ZFHX3: variants seen among roughly 807,000 people sequenced by gnomAD.
ZFHX3 encodes the protein zinc finger homeobox 3, also known as zinc finger homeobox protein 3.
In ZFHX3, 42 loss-of-function variants were observed where a neutral mutation model predicts 279.1. The ratio of observed to expected loss-of-function variants is 0.15; its 90% CI spans 0.12 to 0.19. The LOEUF (loss-of-function observed/expected upper bound fraction) is 0.19, where lower values mean the gene tolerates loss of function less well. ZFHX3 is among the 10% of genes least tolerant of loss of function. The pLI is 1.00. For missense variants in ZFHX3, 4,981 were observed against 4,754.0 expected (o/e 1.05, Z -1.40); for synonymous variants, 2,293 against 1,957.8 (o/e 1.17, Z -4.52).
intron 1 of ZFHX3, among the ~76,000 whole-genome samples, chr16:73,711,566 C>G (rs964179500): frequency 6.6e-6 from 1 of 152,030 alleles, no homozygotes; most frequent in African/African-American, 2.4e-5. Context: ...AAGAAGCAGT[C>G]TTCTGAAGTG....
chr16:72,898,368 A>G (rs550822831), intron 3 of ZFHX3, among the ~76,000 whole-genome samples: 53 of 152,342 alleles, frequency 3.5e-4, no homozygotes, highest in African/African-American at 1.1e-3. Context: ...GCCGTGGAAC[A>G]AGCCATGATT....
chr16:72,903,833 A>G (rs911592161), intron 3 of ZFHX3, among the ~76,000 whole-genome samples: 3 of 152,210 alleles, frequency 2.0e-5, no homozygotes, highest in African/African-American at 7.2e-5. Context: ...ACCGCTAGAA[A>G]GATCAGATCC....
At chr16:72,925,436 C>T (rs1959396040) in intron 3 of ZFHX3, among the ~76,000 whole-genome samples, 1 of 152,214 alleles carries the variant, frequency 6.6e-6, no homozygotes, top group African/African-American at 2.4e-5. Context: ...CCCCTGAATG[C>T]CAGGAAATTT....
chr16:73,068,180 A>G (rs985831993), intron 8 of ZFHX3, among the ~76,000 whole-genome samples: 8 of 152,176 alleles, frequency 5.3e-5, no homozygotes, highest in Admixed American at 2.6e-4. Flanking sequence ...TAAGTCACTC[A>G]CTTAAGGTCA....
At chr16:73,280,395 A>C (rs1000754509) in intron 4 of ZFHX3, among the ~76,000 whole-genome samples, 3 of 152,200 alleles carry the variant, frequency 2.0e-5, no homozygotes, top group Non-Finnish European at 4.4e-5. Context: ...AAACTCATAC[A>C]ACTGAATAGC....
Position 73,555,731 on chromosome 16 carries a change from C to T in ZFHX3, c.-1546-99473G>A, listed in dbSNP as rs139054346. On this transcript the variant is annotated intron_variant, in intron 2 of 17. Transcript: ENST00000641206. Reference sequence around the variant, plus strand: ...CCTGTAATCCCAGCTACTGAGCAGGCTGAGGCAGGAGAATCACTGGAACTC... The same window carrying T: ...CCTGTAATCCCAGCTACTGAGCAGGTTGAGGCAGGAGAATCACTGGAACTC... Among the ~76,000 whole-genome samples, 292 of 151,692 alleles carry T rather than the reference C, an allele frequency of 1.9e-3. 1 individual carries two copies. The highest frequency in any genetic ancestry group is 0.017 in the Middle Eastern group (5 of 292).
At chr16:73,119,040 A>C (rs1050674379) in intron 7 of ZFHX3, among the ~76,000 whole-genome samples, 3 of 152,148 alleles carry the variant, frequency 2.0e-5, no homozygotes, top group Non-Finnish European at 4.4e-5. Flanking sequence ...GGATGGTACT[A>C]TCATGTAAAT....
intron 2 of ZFHX3, among the ~76,000 whole-genome samples, chr16:73,638,737 A>C (rs575773488): frequency 6.6e-6 from 1 of 152,288 alleles, no homozygotes; most frequent in African/African-American, 2.4e-5. Flanking sequence ...TCATCTCTAC[A>C]TCCCTATTAC....
At position 72,957,995 on chromosome 16, in the gene ZFHX3, C is replaced by G; in HGVS notation, c.2151G>C (p.Glu717Asp). The change falls in exon 2 of 10, where the codon GAG becomes GAC. Residue 717 changes from glutamate to aspartate, a missense_variant. Coordinates refer to ENST00000268489, the MANE Select transcript of ZFHX3 (RefSeq NM_006885.4). Reference sequence around the variant, plus strand: ...AAGGCTTGTAACCACACGTGTAGCTCTCGCCTCGTGCCAGCCGGGGGTGGG... The same window carrying G: ...AAGGCTTGTAACCACACGTGTAGCTGTCGCCTCGTGCCAGCCGGGGGTGGG... The part of the protein sequence containing the change: ...GQPHPRLARG[E>D]SYTCGYKPFR... 1 of 1,613,924 alleles carries G rather than the reference C, an allele frequency of 6.2e-7. No individual in the cohort carries two copies. The highest frequency in any genetic ancestry group is 8.5e-7 in the Non-Finnish European group (1 of 1,180,032).
chr16:73,560,545 T>C (rs1251771967), intron 2 of ZFHX3, among the ~76,000 whole-genome samples: 1 of 152,214 alleles, frequency 6.6e-6, no homozygotes, highest in Non-Finnish European at 1.5e-5. Context: ...GAATCATCAT[T>C]ACTATCATCT....
At chr16:73,441,686 G>A (rs1247028821) in intron 3 of ZFHX3, among the ~76,000 whole-genome samples, 1 of 152,136 alleles carries the variant, frequency 6.6e-6, no homozygotes, top group Non-Finnish European at 1.5e-5. Flanking sequence ...ACCACCCTGA[G>A]CTGGGAGTCA....
At chr16:73,195,067 A>G (rs918401523) in intron 5 of ZFHX3, among the ~76,000 whole-genome samples, 1 of 152,230 alleles carries the variant, frequency 6.6e-6, no homozygotes, top group Admixed American at 6.5e-5. Flanking sequence ...CAGGTTAGAC[A>G]GAAGCATATT....
In ZFHX3 at chr16:73,529,994, G is replaced by T. The variant is rs73600981; in HGVS notation, c.-1546-73736C>A. Among the ~76,000 whole-genome samples, 915 of 152,178 alleles carry T rather than the reference G, an allele frequency of 6.0e-3. 11 individuals carry two copies. Among genetic ancestry groups the T allele is most frequent in the African/African-American group, 0.02 (833 of 41,530 alleles). ...TTGTATTTGATAGTTGAAATGTATC[G>T]CTTGTGTCCTTGGTTAACATATTAG... On this transcript the variant is annotated intron_variant, in intron 2 of 17. Coordinates refer to the ZFHX3 transcript ENST00000641206.
At chr16:73,688,277 A>T (rs140376700) in intron 1 of ZFHX3, among the ~76,000 whole-genome samples, 2,070 of 150,564 alleles carry the variant, frequency 0.014, 54 homozygotes, top group African/African-American at 0.046. Flanking sequence ...GAATCACTTG[A>T]ACCCGGGAGG....
intron 3 of ZFHX3, among the ~76,000 whole-genome samples, chr16:73,397,062 C>A (rs1451359993): frequency 6.6e-6 from 1 of 152,240 alleles, no homozygotes; most frequent in East Asian, 1.9e-4. Context: ...AAATTCACTT[C>A]TTTGCTTATC....
intron 7 of ZFHX3, among the ~76,000 whole-genome samples, chr16:73,094,233 G>A (rs941723456): frequency 2.0e-5 from 3 of 152,138 alleles, no homozygotes; most frequent in Admixed American, 2.0e-4. Context: ...TCCCTGGAAG[G>A]TTCTTTCCTG....
intron 7 of ZFHX3, among the ~76,000 whole-genome samples, chr16:73,120,244 C>G (rs1248752895): frequency 6.6e-6 from 1 of 151,988 alleles, no homozygotes; most frequent in Non-Finnish European, 1.5e-5. Context: ...GTTCCACATT[C>G]CATACTATTT....
At chr16:72,852,696 T>C (rs2037648619) in intron 4 of ZFHX3, among the ~76,000 whole-genome samples, 1 of 152,186 alleles carries the variant, frequency 6.6e-6, no homozygotes, top group African/African-American at 2.4e-5. Context: ...GTTTCCTTTT[T>C]TTAAAAAAAG....
At chr16:73,026,041 G>A (rs1309226474) in intron 1 of ZFHX3, among the ~76,000 whole-genome samples, 5 of 151,974 alleles carry the variant, frequency 3.3e-5, no homozygotes, top group East Asian at 1.9e-4. Context: ...GGCAGTCTCC[G>A]ATAGGCTGAA....
Sources: gnomAD v4.1 joint callset for allele counts (sites outside exome capture counted in the v4.1 genomes callset) on GRCh38, gnomAD v4.1.1 for gene constraint, MANE v1.5 for transcripts, NCBI Gene and HGNC (gene_info 2026-07-23, HGNC 2026-07-21) for gene names.